CADM1: variants seen among roughly 807,000 people sequenced by gnomAD.
The protein encoded by CADM1 is cell adhesion molecule 1, also known as TSLC-1.
CADM1 carries 15 observed loss-of-function variants against 53.1 expected under a neutral mutation model. The observed-to-expected ratio is 0.28, with a 90% CI of 0.19 to 0.44. CADM1 has a LOEUF of 0.44. Among genes scored for constraint, CADM1 ranks in the 20% least tolerant of loss-of-function variants. The pLI, the probability that CADM1 is intolerant of heterozygous loss-of-function variation, is 1.00. For synonymous variants in CADM1, 281 were observed against 243.0 expected (o/e 1.16, Z -1.45); for missense variants, 434 against 611.3 (o/e 0.71, Z 3.06).
Position 115,209,630 on chromosome 11 carries a change from G to T in CADM1, c.1022C>A (p.Thr341Lys). The change falls in exon 8 of 12, where the codon ACA (threonine) becomes AAA (lysine). Residue 341 changes from threonine (T) to lysine (K), a missense_variant. Thr to Lys is a moderately conservative substitution (Grantham distance 78, BLOSUM62 -1). Coordinates refer to ENST00000331581, the MANE Select transcript of CADM1 (RefSeq NM_001301043.2). ...YDPPTTIPPP[T>K]TTTTTTTTTT... ...GGTGGTGGTGGTGGTGGTGGTTGTT[G>T]TGGGAGGAGGGATAGTTGTGGGGGG... The T allele has an allele frequency of 6.2e-7, 1 of 1,612,988 alleles. No individual in the cohort carries two copies. The highest frequency in any genetic ancestry group is 1.1e-5 in the South Asian group (1 of 90,922).
chr11:115,376,305 C>T (rs960254349), intron 1 of CADM1, among the ~76,000 whole-genome samples: 1 of 152,126 alleles, frequency 6.6e-6, no homozygotes, highest in Non-Finnish European at 1.5e-5. Flanking sequence ...ATGTTAATTA[C>T]TATATATTTA....
intron 1 of CADM1, among the ~76,000 whole-genome samples, chr11:115,448,296 G>A (rs1948497563): frequency 6.6e-6 from 1 of 152,126 alleles, no homozygotes; most frequent in African/African-American, 2.4e-5. Context: ...ATATGAATAA[G>A]TTAGGGAAAA....
chr11:115,427,505 TGATA>T (rs1947919961), intron 1 of CADM1, among the ~76,000 whole-genome samples: 1 of 151,994 alleles, frequency 6.6e-6, no homozygotes, highest in Admixed American at 6.6e-5. Flanking sequence ...GAAGTAGAGA[TGATA>T]GATAGATGGA....
chr11:115,176,311 C>CA lies in CADM1; in HGVS notation c.*162dup, dbSNP rs1472076209. 2.7e-6 allele frequency: 4 copies of CA among 1,481,642 alleles called. No homozygotes were observed. The African/African-American group carries it at 5.7e-5, about 21-fold the overall frequency. The allele number at this position is 1,481,642 out of a possible 1,614,324, so 91.8% of individuals were successfully genotyped here. On this transcript the variant is annotated 3_prime_UTR_variant, in exon 12 of 12. Coordinates refer to ENST00000331581, the MANE Select transcript of CADM1 (RefSeq NM_001301043.2). ...ACAGCAGAGTGTACTTTCCAAAGAA[C>CA]ATTTTTTTTTTTTTTACACAGCAAA...
At chr11:115,303,232 G>A in intron 1 of CADM1, among the ~76,000 whole-genome samples, 1 of 151,996 alleles carries the variant, frequency 6.6e-6, no homozygotes, top group Non-Finnish European at 1.5e-5. Context: ...ATACTTTTAA[G>A]GAGGCAAAGT....
In CADM1 at chr11:115,173,689, CTTTTTTTT is replaced by C. The variant is rs11417765; in HGVS notation, c.*2777_*2784del. Reference sequence around the variant, plus strand: ...ATATTTTATAGTACTTCTTTTTTTTCTTTTTTTTTTTGTAAAAATGGTATACATGAACC... The same window carrying C: ...ATATTTTATAGTACTTCTTTTTTTTCTTTGTAAAAATGGTATACATGAACC... On this transcript the variant is annotated 3_prime_UTR_variant, in exon 12 of 12. Transcript: ENST00000331581. 2 of 469,498 alleles carry C rather than the reference CTTTTTTTT, an allele frequency of 4.3e-6. No individual in the cohort carries two copies. Among genetic ancestry groups the C allele is most frequent in the Non-Finnish European group, 5.5e-6 (2 of 362,206 alleles). 29.1% of individuals were successfully genotyped at this position (469,498 alleles called of 1,614,324 possible).
chr11:115,493,651 A>G (rs1949548009), intron 1 of CADM1, among the ~76,000 whole-genome samples: 1 of 152,166 alleles, frequency 6.6e-6, no homozygotes, highest in Non-Finnish European at 1.5e-5. Context: ...TAATAGGGCA[A>G]ACTGATATTA....
chr11:115,503,039 C>T (rs987626847), intron 1 of CADM1, among the ~76,000 whole-genome samples: 5 of 152,294 alleles, frequency 3.3e-5, no homozygotes, highest in African/African-American at 1.2e-4. Flanking sequence ...CCTCCTGCAT[C>T]GCCGCTCGCA....
chr11:115,463,524 A>T (rs1446936155), intron 1 of CADM1, among the ~76,000 whole-genome samples: 1 of 152,196 alleles, frequency 6.6e-6, no homozygotes, highest in Non-Finnish European at 1.5e-5. Flanking sequence ...TGAGATATAT[A>T]TGTACATTCC....
At chr11:115,467,618 C>G (rs1459657315) in intron 1 of CADM1, among the ~76,000 whole-genome samples, 2 of 152,178 alleles carry the variant, frequency 1.3e-5, no homozygotes, top group Non-Finnish European at 2.9e-5. Flanking sequence ...CCCTCAGCCC[C>G]TCCTCAAAGG....
chr11:115,322,605 A>G (rs547196123), intron 1 of CADM1, among the ~76,000 whole-genome samples: 1 of 152,190 alleles, frequency 6.6e-6, no homozygotes, highest in East Asian at 1.9e-4. Flanking sequence ...CCACTAATCT[A>G]CTTTTTGTCT....
At chr11:115,440,096 T>G (rs948422872) in intron 1 of CADM1, among the ~76,000 whole-genome samples, 1 of 152,218 alleles carries the variant, frequency 6.6e-6, no homozygotes, top group South Asian at 2.1e-4. Flanking sequence ...TTCATATATT[T>G]TAATGTCCAA....
At chr11:115,308,104 C>A (rs1485461293) in intron 1 of CADM1, among the ~76,000 whole-genome samples, 1 of 150,722 alleles carries the variant, frequency 6.6e-6, no homozygotes, top group Non-Finnish European at 1.5e-5. Context: ...TACATGAACT[C>A]CTAAAATGAT....
intron 1 of CADM1, among the ~76,000 whole-genome samples, chr11:115,455,677 T>TAAAATAA (rs1453098508): frequency 6.6e-6 from 1 of 152,046 alleles, no homozygotes; most frequent in Non-Finnish European, 1.5e-5. Flanking sequence ...AACTTTAAAA[T>TAAAATAA]AACTTCCCTA....
intron 1 of CADM1, among the ~76,000 whole-genome samples, chr11:115,493,041 C>G (rs531790494): frequency 6.6e-6 from 1 of 151,932 alleles, no homozygotes; most frequent in African/African-American, 2.4e-5. Context: ...TGTCCGCTGT[C>G]TAAATATCAT....
rs543117331 is a variant in CADM1 at position 115,449,474 on chromosome 11, T to C, written c.124+54797A>G. On this transcript the variant is annotated intron_variant, in intron 1 of 11. Coordinates refer to ENST00000331581, the MANE Select transcript of CADM1 (RefSeq NM_001301043.2). The stretch of plus-strand genomic sequence containing the variant: ...GCCCCCTCAGGGCTTTGAATTACTA[T>C]CCATTTTGCACTTAAGGTCAGTCCT... Among the ~76,000 whole-genome samples the C allele has an allele frequency of 8.5e-5, 13 of 152,254 alleles. No homozygotes were observed. In the East Asian group the frequency reaches 1.7e-3, roughly 20 times the overall value.
Position 115,362,942 on chromosome 11 carries a change from T to TACTA in CADM1, c.125-122526_125-122523dup, listed in dbSNP as rs372373310. On this transcript the variant is annotated intron_variant, in intron 1 of 11. Coordinates refer to ENST00000331581, the MANE Select transcript of CADM1 (RefSeq NM_001301043.2). Reference sequence around the variant, plus strand: ...ATTCTTCATTCAATAGTCAAGCTCCTACTAGGTGCTAGGTGACAGAAATAT... The same window carrying TACTA: ...ATTCTTCATTCAATAGTCAAGCTCCTACTAACTAGGTGCTAGGTGACAGAAATAT... Among the ~76,000 whole-genome samples, 1,203 of 152,316 alleles carry TACTA rather than the reference T, an allele frequency of 7.9e-3. 16 individuals carry two copies. Among genetic ancestry groups the TACTA allele is most frequent in the African/African-American group, 0.026 (1,075 of 41,558 alleles).
intron 9 of CADM1, among the ~76,000 whole-genome samples, chr11:115,195,864 G>C (rs1335244060): frequency 1.3e-5 from 2 of 152,140 alleles, no homozygotes; most frequent in African/African-American, 4.8e-5. Context: ...AACAGTGGCT[G>C]GAGCCCTTTG....
chr11:115,278,457 A>C (rs1943502248), intron 1 of CADM1, among the ~76,000 whole-genome samples: 1 of 152,144 alleles, frequency 6.6e-6, no homozygotes, highest in Non-Finnish European at 1.5e-5. Flanking sequence ...TTCAGAAAGG[A>C]CTGGTAGGAG....
Sources: gnomAD v4.1 joint callset for allele counts (sites outside exome capture counted in the v4.1 genomes callset) on GRCh38, gnomAD v4.1.1 for gene constraint, MANE v1.5 for transcripts, NCBI Gene and HGNC (gene_info 2026-07-23, HGNC 2026-07-21) for gene names.